UXS1: variants seen among roughly 807,000 people sequenced by gnomAD.
The protein encoded by UXS1 is UDP-glucuronic acid decarboxylase 1.
UXS1 carries 33 observed loss-of-function variants against 62.6 expected under a neutral mutation model. The observed-to-expected ratio is 0.53, with a 90% confidence interval of 0.40 to 0.70. The LOEUF (loss-of-function observed/expected upper bound fraction) is 0.70. UXS1 is among the 30% of genes least tolerant of loss of function. UXS1 has a pLI of 0.00. For synonymous variants in UXS1, 213 were observed against 206.8 expected, an observed-to-expected ratio of 1.03 and a Z score of -0.26; for missense variants, 434 against 556.3, an observed-to-expected ratio of 0.78 and a Z score of 2.21.
At chr2:106,149,058 C>T (rs1322064191) in intron 5 of UXS1, among the ~76,000 whole-genome samples, 1 of 152,170 alleles carries the variant, frequency 6.6e-6, no homozygotes, top group African/African-American at 2.4e-5. Flanking sequence ...AAGCAAGTCT[C>T]CTCTTTCTGT....
At chr2:106,109,879 C>A (rs959487931) in intron 10 of UXS1, among the ~76,000 whole-genome samples, 1 of 152,184 alleles carries the variant, frequency 6.6e-6, no homozygotes, top group Non-Finnish European at 1.5e-5. Flanking sequence ...TCTGGCCACC[C>A]TCAAAGAGGT....
chr2:106,162,320 C>T (rs1173362026), intron 4 of UXS1, among the ~76,000 whole-genome samples: 1 of 152,248 alleles, frequency 6.6e-6, no homozygotes, highest in Non-Finnish European at 1.5e-5. Flanking sequence ...AAAGCACACA[C>T]TCAAAGATAT....
At chr2:106,182,164 G>A (rs1201849088) in intron 1 of UXS1, among the ~76,000 whole-genome samples, 2 of 152,216 alleles carry the variant, frequency 1.3e-5, no homozygotes, top group Non-Finnish European at 2.9e-5. Flanking sequence ...AAGTATGGGT[G>A]TCCAATCTTT....
chr2:106,100,337 G>A (rs1037332293), intron 12 of UXS1, among the ~76,000 whole-genome samples: 10 of 152,158 alleles, frequency 6.6e-5, no homozygotes, highest in African/African-American at 1.9e-4. Flanking sequence ...AGGCAGCTTA[G>A]GGGGTAGGAC....
intron 1 of UXS1, among the ~76,000 whole-genome samples, chr2:106,184,814 A>T (rs1389371987): frequency 3.3e-5 from 5 of 152,214 alleles, no homozygotes; most frequent in Non-Finnish European, 7.3e-5. Context: ...AGTACCATAC[A>T]TATCATATAC....
At chr2:106,126,591 AG>A (rs1442661347) in intron 7 of UXS1, among the ~76,000 whole-genome samples, 2 of 152,218 alleles carry the variant, frequency 1.3e-5, no homozygotes, top group Non-Finnish European at 2.9e-5. Flanking sequence ...TGCAGCAGCC[AG>A]GGGTATCAGT....
chr2:106,158,016 G>A (rs1573533816), intron 5 of UXS1, 42 bp downstream of exon 5: 1 of 1,479,232 alleles, frequency 6.8e-7, no homozygotes, highest in East Asian at 2.5e-5. Flanking sequence ...AAAAAAGAAA[G>A]TTTCTTAATA....
chr2:106,181,517 G>A (rs756812465), intron 1 of UXS1, among the ~76,000 whole-genome samples: 1 of 152,126 alleles, frequency 6.6e-6, no homozygotes, highest in African/African-American at 2.4e-5. Context: ...TCAGGAGTTC[G>A]AGACGACCCT....
chr2:106,168,753 T>C (rs2105071355), intron 1 of UXS1, among the ~76,000 whole-genome samples: 1 of 152,318 alleles, frequency 6.6e-6, no homozygotes, highest in African/African-American at 2.4e-5. Context: ...GTATAAATTG[T>C]CATACAGCCA....
intron 10 of UXS1, among the ~76,000 whole-genome samples, chr2:106,112,165 T>C (rs910557822): frequency 1.3e-5 from 2 of 152,234 alleles, no homozygotes; most frequent in Non-Finnish European, 2.9e-5. Context: ...CTGGGACCTC[T>C]GCTGGCTCCA....
At chr2:106,167,193 G>C (rs1274387945) in intron 1 of UXS1, among the ~76,000 whole-genome samples, 1 of 152,212 alleles carries the variant, frequency 6.6e-6, no homozygotes, top group African/African-American at 2.4e-5. Flanking sequence ...TTAAGTTACT[G>C]AGCAGGATTC....
At chr2:106,163,534 A>C in intron 4 of UXS1, 133 bp downstream of exon 4, 1 of 535,482 alleles carries the variant, frequency 1.9e-6, no homozygotes, top group Non-Finnish European at 3.3e-6. Flanking sequence ...TGGGTATTAC[A>C]CTCAAAGTGG....
chr2:106,153,650 C>T (rs566673216), intron 5 of UXS1, among the ~76,000 whole-genome samples: 35 of 152,152 alleles, frequency 2.3e-4, no homozygotes, highest in South Asian at 6.2e-4. Flanking sequence ...CAACAAATTA[C>T]AAGACATGCA....
chr2:106,121,543 AC>A (rs1679523161), intron 9 of UXS1, among the ~76,000 whole-genome samples: 1 of 152,174 alleles, frequency 6.6e-6, no homozygotes, highest in South Asian at 2.1e-4. Flanking sequence ...ACTCCTAAGT[AC>A]CCATGCACAC....
chr2:106,187,611 C>T (rs1215785344), intron 1 of UXS1, among the ~76,000 whole-genome samples: 1 of 152,178 alleles, frequency 6.6e-6, no homozygotes, highest in African/African-American at 2.4e-5. Context: ...CAGGTTTTAT[C>T]TCTTTTCTTG....
At chr2:106,151,920 A>T (rs1682048615) in intron 5 of UXS1, among the ~76,000 whole-genome samples, 1 of 152,226 alleles carries the variant, frequency 6.6e-6, no homozygotes, top group Non-Finnish European at 1.5e-5. Context: ...ACAGTCTAAT[A>T]TCGATTCAGG....
At position 106,093,876 on chromosome 2, in the gene UXS1, T is replaced by A. The variant is rs1676856955; in HGVS notation, c.*150A>T. On this transcript the variant is annotated 3_prime_UTR_variant, in exon 15 of 15. Transcript: ENST00000283148. ...TTTTTGAGGGGAGCTTTTAGGCACA[T>A]CCATTTCATTAAAGCAAGCTTCAGA... 8.9e-7 allele frequency: 1 copy of A among 1,120,832 alleles called. No individual in the cohort carries two copies. The highest frequency in any genetic ancestry group is 1.6e-5 in the African/African-American group (1 of 61,594). The allele number at this position is 1,120,832 out of a possible 1,614,324, so 69.4% of individuals were successfully genotyped here.
intron 1 of UXS1, among the ~76,000 whole-genome samples, chr2:106,177,392 C>A (rs566447382): frequency 1.1e-4 from 16 of 151,972 alleles, no homozygotes; most frequent in Admixed American, 2.6e-4. Flanking sequence ...GATGGGGTTT[C>A]GCCATGTTGG....
chr2:106,102,099 C>T (rs570747533), intron 11 of UXS1: 4 of 152,316 alleles, frequency 2.6e-5, no homozygotes, highest in South Asian at 2.1e-4. Context: ...GATATTTCTG[C>T]GTTTTCCTTT....
Sources: allele counts gnomAD v4.1 joint callset (sites outside exome capture counted in the v4.1 genomes callset), GRCh38; gene constraint gnomAD v4.1.1; transcripts MANE v1.5; gene names NCBI Gene and HGNC (gene_info 2026-07-23, HGNC 2026-07-21).